The following PPP2R1A variants were observed in gnomAD, a reference collection of about 807,000 sequenced individuals.
PPP2R1A encodes serine/threonine-protein phosphatase 2A 65 kDa regulatory subunit A alpha isoform.
Under a neutral mutation model 67.1 loss-of-function variants are expected in PPP2R1A, and 15 were observed. That is an observed-to-expected ratio of 0.22 (90% CI 0.15 to 0.34). The LOEUF is 0.34. Ranked by LOEUF, PPP2R1A falls within the 10% of genes least tolerant of loss-of-function variation. The pLI is 1.00. For synonymous variants in PPP2R1A, 337 were observed against 325.0 expected, an observed-to-expected ratio of 1.04 and a Z score of -0.40; for missense variants, 369 against 775.0, an observed-to-expected ratio of 0.48 and a Z score of 6.22.
At chr19:52,203,196 G>A (rs1247278700) in intron 2 of PPP2R1A, among the ~76,000 whole-genome samples, 1 of 152,164 alleles carries the variant, frequency 6.6e-6, no homozygotes, top group Non-Finnish European at 1.5e-5. Flanking sequence ...GGAGCCTAAA[G>A]AGGTGCAGTG....
intron 1 of PPP2R1A, among the ~76,000 whole-genome samples, chr19:52,194,473 T>C (rs1221374426): frequency 6.6e-6 from 1 of 152,082 alleles, no homozygotes; most frequent in African/African-American, 2.4e-5. Context: ...GTAGTAATTA[T>C]GGGTTCTGGT....
intron 1 of PPP2R1A, among the ~76,000 whole-genome samples, chr19:52,192,801 C>G (rs1414835898): frequency 6.6e-6 from 1 of 152,116 alleles, no homozygotes; most frequent in Non-Finnish European, 1.5e-5. Flanking sequence ...AAGACACATG[C>G]AGGGTGAGGT....
intron 13 of PPP2R1A, among the ~76,000 whole-genome samples, chr19:52,223,138 A>G (rs1979044224): frequency 6.6e-6 from 1 of 152,252 alleles, no homozygotes; most frequent in Non-Finnish European, 1.5e-5. Flanking sequence ...CATGTGTTTA[A>G]CAGTAGGCAT....
chr19:52,192,311 T>TC (rs2089461788), intron 1 of PPP2R1A, among the ~76,000 whole-genome samples: 1 of 151,268 alleles, frequency 6.6e-6, no homozygotes, highest in African/African-American at 2.4e-5. Flanking sequence ...TTTTTTTTTT[T>TC]CTTCTTTTTT....
intron 3 of PPP2R1A, among the ~76,000 whole-genome samples, chr19:52,207,585 A>C (rs1254035206): frequency 6.6e-6 from 1 of 152,210 alleles, no homozygotes; most frequent in Non-Finnish European, 1.5e-5. Context: ...CAGCAGACAC[A>C]TCCTGGGGCT....
intron 3 of PPP2R1A, among the ~76,000 whole-genome samples, chr19:52,207,919 AGGT>A (rs1291138709): frequency 3.3e-5 from 5 of 152,122 alleles, no homozygotes; most frequent in Non-Finnish European, 7.4e-5. Context: ...TAACCTGCTT[AGGT>A]GGGATGGGAA....
rs1181207988 is a variant in PPP2R1A, at chr19:52,225,968, T to G, written c.1757T>G (p.Leu586Arg). Residue 586 changes from leucine (L) to arginine (R), a missense_variant, in exon 15 of 15, where the codon CTG (leucine) becomes CGG (arginine). Physicochemically the swap from Leu to Arg is moderately radical, Grantham distance 102 (BLOSUM62 -2). Around this residue, in one of 2 missense-constraint regions of PPP2R1A, gnomAD observed 276 missense variants for 508.4 expected, o/e 0.54. Transcript: ENST00000322088. ...TTGCCTGTTCCTGTTTTCCTAGTTCTGTCTCTCGCCTGATGCTGGAAGAGG... is the reference window on the plus strand; with the variant it reads ...TTGCCTGTTCCTGTTTTCCTAGTTCGGTCTCTCGCCTGATGCTGGAAGAGG... Reference protein sequence around the residue: ...KYFAQEALTVLSLA With the variant: ...KYFAQEALTVRSLA 6.2e-7 allele frequency: 1 copy of G among 1,614,250 alleles called. No individual in the cohort carries two copies. Among genetic ancestry groups the G allele is most frequent in the Admixed American group, 1.7e-5 (1 of 60,028 alleles).
At chr19:52,206,512 CATT>C (rs1204220912) in intron 3 of PPP2R1A, among the ~76,000 whole-genome samples, 1 of 152,164 alleles carries the variant, frequency 6.6e-6, no homozygotes, top group Admixed American at 6.5e-5. Flanking sequence ...CTGCAATTGT[CATT>C]ATTGTTGCTG....
rs796615006 is a variant in PPP2R1A at position 52,213,486 on chromosome 19, TTA to T, written c.807+377_807+378del. ...TTTTTTTTTTTTTTTTTTTTTTTTT[TTA>T]AGATGGAGTCTGTCGCCCAGGCTAG... On this transcript the variant is annotated intron_variant, in intron 6 of 14. Transcript: ENST00000322088. The surrounding 1 kb of genome is among the most constrained non-coding windows in gnomAD (Gnocchi z 4.2). Among the ~76,000 whole-genome samples, 24 of 88,036 alleles carry T rather than the reference TTA, an allele frequency of 2.7e-4. No homozygotes were observed. Among genetic ancestry groups the T allele is most frequent in the African/African-American group, 1.4e-3 (24 of 16,910 alleles). The allele number at this position is 88,036 out of a possible 152,430, so 57.8% of individuals were successfully genotyped here. A position where few individuals can be genotyped will look rare whatever the true frequency, so the allele number is the denominator to read the frequency against.
intron 2 of PPP2R1A, among the ~76,000 whole-genome samples, chr19:52,203,783 G>A (rs2089575226): frequency 6.6e-6 from 1 of 152,162 alleles, no homozygotes; most frequent in Non-Finnish European, 1.5e-5. Flanking sequence ...ACCAGTCGCT[G>A]GTCCTGTGGA....
intron 12 of PPP2R1A, 155 bp from the exon 13 acceptor site, chr19:52,221,944 T>C: frequency 1.5e-6 from 1 of 667,074 alleles, no homozygotes; most frequent in Non-Finnish European, 2.5e-6. Context: ...ATGGTGTTAG[T>C]GGAGTTGGGA....
Position 52,219,615 on chromosome 19 carries a change from A to G in PPP2R1A, c.1129-76A>G, listed in dbSNP as rs1467941420. 5 of 1,440,826 alleles carry G rather than the reference A, an allele frequency of 3.5e-6. No individual in the cohort carries two copies. The Admixed American group carries it at 9.9e-5, about 28-fold the overall frequency. The allele number at this position is 1,440,826 out of a possible 1,614,324, so 89.3% of individuals were successfully genotyped here. A position where few individuals can be genotyped will look rare whatever the true frequency, so the allele number is the denominator to read the frequency against. Reference sequence around the variant, plus strand: ...GGGAGATGTCCATAAAAGTTGATGCAGCTGAGCTCTTTCCATCCTGTCCTG... The same window carrying G: ...GGGAGATGTCCATAAAAGTTGATGCGGCTGAGCTCTTTCCATCCTGTCCTG... On this transcript the variant is annotated intron_variant, in intron 9 of 14. Transcript: ENST00000322088. This position sits in a 1 kb window ranked among gnomAD's most constrained non-coding sequence, Gnocchi z 4.0.
chr19:52,190,357 GC>G, intron 1 of PPP2R1A, 183 bp downstream of exon 1: 1 of 694,046 alleles, frequency 1.4e-6, no homozygotes, highest in Non-Finnish European at 2.5e-6. Flanking sequence ...TTGGGTGTCG[GC>G]CCAGTGGAGG....
chr19:52,202,180 G>A, intron 2 of PPP2R1A, 146 bp downstream of exon 2: 1 of 673,408 alleles, frequency 1.5e-6, no homozygotes, highest in South Asian at 1.8e-5. Flanking sequence ...GGGATTCAGA[G>A]AAGTGCAGTC....
chr19:52,192,480 G>A (rs145636813), intron 1 of PPP2R1A, among the ~76,000 whole-genome samples: 1 of 151,998 alleles, frequency 6.6e-6, no homozygotes, highest in East Asian at 1.9e-4. Flanking sequence ...GCTGATTTTT[G>A]TGTGTGTGTT....
rs1180187736 is a variant in PPP2R1A at position 52,222,149 on chromosome 19, C to T, written c.1569C>T (p.Pro523=). ...GQDITTKHML[P]TVLRMAGDPV... Reference sequence around the variant, plus strand: ...ACATCACCACCAAGCACATGCTACCCACGGTTCTGCGCATGGCTGGGGACC... The same window carrying T: ...ACATCACCACCAAGCACATGCTACCTACGGTTCTGCGCATGGCTGGGGACC... The change falls in exon 13 of 15, where the codon CCC becomes CCT. Residue 523 remains proline (P), a synonymous_variant. Coordinates refer to ENST00000322088, the MANE Select transcript of PPP2R1A (RefSeq NM_014225.6). The T allele has an allele frequency of 1.2e-6, 2 of 1,614,024 alleles. No homozygotes were observed. The highest frequency in any genetic ancestry group is 1.7e-6 in the Non-Finnish European group (2 of 1,180,028).
rs398035011 is a variant in PPP2R1A at position 52,213,457 on chromosome 19, GTTTTTTTTT to G, written c.807+369_807+377del. Among the ~76,000 whole-genome samples, 23 of 71,760 alleles carry G rather than the reference GTTTTTTTTT, an allele frequency of 3.2e-4. No individual in the cohort carries two copies. Among genetic ancestry groups the G allele is most frequent in the South Asian group, 1.9e-3 (3 of 1,608 alleles). The allele number at this position is 71,760 out of a possible 152,430, so 47.1% of individuals were successfully genotyped here. A position where few individuals can be genotyped will look rare whatever the true frequency, so the allele number is the denominator to read the frequency against. ...GCCCAAAAAGGTGGGGTTTTTTGGT[GTTTTTTTTT>G]TTTTTTTTTTTTTTTTTTTTTAAGA... On this transcript the variant is annotated intron_variant, in intron 6 of 14. Transcript: ENST00000322088. This position sits in a 1 kb window ranked among gnomAD's most constrained non-coding sequence, Gnocchi z 4.2.
In PPP2R1A at chr19:52,212,575, C is replaced by T; in HGVS notation, c.504-111C>T. The T allele has an allele frequency of 7.5e-7, 1 of 1,340,608 alleles. No individual in the cohort carries two copies. 83.0% of individuals were successfully genotyped at this position (1,340,608 alleles called of 1,614,324 possible). On this transcript the variant is annotated intron_variant, in intron 4 of 14. Coordinates refer to ENST00000322088, the MANE Select transcript of PPP2R1A (RefSeq NM_014225.6). This position sits in a 1 kb window ranked among gnomAD's most constrained non-coding sequence, Gnocchi z 4.1. ...TGGGAAGACAGAGAGGGGGTCATCA[C>T]TTGCCCAAGGTCATTCAGCTAAAAC...
chr19:52,221,715 A>AT (rs1306901388), intron 12 of PPP2R1A, among the ~76,000 whole-genome samples: 31 of 147,468 alleles, frequency 2.1e-4, no homozygotes, highest in African/African-American at 7.9e-4. Context: ...TACGATTATA[A>AT]TTATCTCATG....
Sources: gnomAD v4.1 joint callset for allele counts (sites outside exome capture counted in the v4.1 genomes callset) on GRCh38, gnomAD v4.1.1 for gene constraint, gnomAD v4.1.1 regional missense constraint, Gnocchi (gnomAD v3.1) non-coding constraint, MANE v1.5 for transcripts, NCBI Gene and HGNC (gene_info 2026-07-23, HGNC 2026-07-21) for gene names.